TMEM163: variants seen among roughly 807,000 people sequenced by gnomAD.
TMEM163 encodes the protein transmembrane protein 163.
A neutral mutation model predicts 29.3 loss-of-function variants in TMEM163; 17 were observed. That is an observed-to-expected ratio of 0.58 (90% CI 0.40 to 0.87). The LOEUF (loss-of-function observed/expected upper bound fraction) is 0.87. Ranked by LOEUF, TMEM163 falls within the 40% of genes least tolerant of loss-of-function variation. TMEM163 has a pLI of 0.00. For synonymous variants in TMEM163, 157 were observed against 160.6 expected (o/e 0.98, Z 0.17); for missense variants, 303 against 381.5 (o/e 0.79, Z 1.71).
intron 5 of TMEM163, among the ~76,000 whole-genome samples, chr2:134,477,115 G>A (rs553295740): frequency 1.3e-5 from 2 of 152,162 alleles, no homozygotes; most frequent in African/African-American, 2.4e-5. Flanking sequence ...CTGCCTGTGA[G>A]CTCTATGTCA....
chr2:134,684,101 G>T (rs1185228061), intron 2 of TMEM163, among the ~76,000 whole-genome samples: 1 of 152,116 alleles, frequency 6.6e-6, no homozygotes, highest in African/African-American at 2.4e-5. Flanking sequence ...CTATTATCTT[G>T]CTTTACTGAT....
chr2:134,587,971 G>T (rs1170534701), intron 2 of TMEM163, among the ~76,000 whole-genome samples: 1 of 152,162 alleles, frequency 6.6e-6, no homozygotes, highest in Admixed American at 6.5e-5. Context: ...ACATCCAAAG[G>T]GAAGGAAAAT....
At chr2:134,494,282 C>T (rs577793030) in intron 5 of TMEM163, among the ~76,000 whole-genome samples, 18 of 152,280 alleles carry the variant, frequency 1.2e-4, no homozygotes, top group African/African-American at 4.3e-4. Context: ...TAGTCTGACA[C>T]AATGATTTCT....
intron 2 of TMEM163, among the ~76,000 whole-genome samples, chr2:134,656,106 C>T (rs1274048876): frequency 7.0e-6 from 1 of 143,770 alleles, no homozygotes; most frequent in Non-Finnish European, 1.5e-5. Context: ...GCTTTGTTTA[C>T]CTAAGCAAGC....
intron 4 of TMEM163, among the ~76,000 whole-genome samples, chr2:134,530,596 G>T (rs1195906363): frequency 6.6e-6 from 1 of 152,038 alleles, no homozygotes; most frequent in Non-Finnish European, 1.5e-5. Context: ...ATATAAAATG[G>T]GCCCCAGAGA....
At chr2:134,712,459 G>C (rs962067815) in intron 2 of TMEM163, among the ~76,000 whole-genome samples, 1 of 143,898 alleles carries the variant, frequency 6.9e-6, no homozygotes, top group South Asian at 2.2e-4. Context: ...TCTTTCCCCC[G>C]CATCAAAAAA....
chr2:134,668,239 C>T (rs754195900), intron 2 of TMEM163, among the ~76,000 whole-genome samples: 1 of 152,212 alleles, frequency 6.6e-6, no homozygotes, highest in Non-Finnish European at 1.5e-5. Flanking sequence ...AGTTGGCACA[C>T]AAACCTGTCC....
chr2:134,554,902 G>C (rs1002886851), intron 2 of TMEM163, among the ~76,000 whole-genome samples: 5 of 152,162 alleles, frequency 3.3e-5, no homozygotes, highest in African/African-American at 1.2e-4. Context: ...AGTTAACCCA[G>C]AGTCCTTCAC....
intron 5 of TMEM163, among the ~76,000 whole-genome samples, chr2:134,490,645 T>G (rs1309434235): frequency 1.3e-5 from 2 of 152,148 alleles, no homozygotes; most frequent in Non-Finnish European, 2.9e-5. Flanking sequence ...CAAAAAAGCA[T>G]GAAGTGTTTC....
At chr2:134,476,656 C>T (rs1004147689) in intron 5 of TMEM163, among the ~76,000 whole-genome samples, 2 of 152,090 alleles carry the variant, frequency 1.3e-5, no homozygotes, top group African/African-American at 2.4e-5. Context: ...AAACCACAGT[C>T]GTTGTAAAGA....
chr2:134,661,925 C>CTTTTTTTTTTTTTTTTTTTTTTTTTTT lies in TMEM163; in HGVS notation c.322+51274_322+51275insAAAAAAAAAAAAAAAAAAAAAAAAAAA, dbSNP rs201436466. Among the ~76,000 whole-genome samples the CTTTTTTTTTTTTTTTTTTTTTTTTTTT allele has an allele frequency of 6.3e-5, 5 of 79,066 alleles. 2 individuals are homozygous for CTTTTTTTTTTTTTTTTTTTTTTTTTTT. Among genetic ancestry groups the CTTTTTTTTTTTTTTTTTTTTTTTTTTT allele is most frequent in the Non-Finnish European group, 7.4e-5 (3 of 40,404 alleles). The allele number at this position is 79,066 out of a possible 152,430, so 51.9% of individuals were successfully genotyped here. A position where few individuals can be genotyped will look rare whatever the true frequency, so the allele number is the denominator to read the frequency against. ...AAGTTTTCATGGATTCATTAATTTT[C>CTTTTTTTTTTTTTTTTTTTTTTTTTTT]TTTCTTTTTTTTTTTTTTTTTTTTG... On this transcript the variant is annotated intron_variant, in intron 2 of 7. Coordinates refer to ENST00000281924, the MANE Select transcript of TMEM163 (RefSeq NM_030923.5).
chr2:134,502,400 C>T (rs541525145), intron 5 of TMEM163, among the ~76,000 whole-genome samples: 16 of 152,274 alleles, frequency 1.1e-4, no homozygotes, highest in African/African-American at 3.6e-4. Flanking sequence ...ACCCAGAGGA[C>T]AAAGCAGTCA....
At chr2:134,496,956 C>T (rs75300819) in intron 5 of TMEM163, among the ~76,000 whole-genome samples, 1 of 152,238 alleles carries the variant, frequency 6.6e-6, no homozygotes, top group African/African-American at 2.4e-5. Context: ...GGAAGTGCCT[C>T]CTCTTCCCAC....
At chr2:134,687,310 C>T (rs760313964) in intron 2 of TMEM163, among the ~76,000 whole-genome samples, 10 of 152,196 alleles carry the variant, frequency 6.6e-5, no homozygotes, top group South Asian at 2.1e-4. Context: ...AGTTGCTTCT[C>T]GGGTAAGAAG....
chr2:134,646,183 CAA>C, intron 2 of TMEM163, among the ~76,000 whole-genome samples: 1 of 151,822 alleles, frequency 6.6e-6, no homozygotes, highest in South Asian at 2.1e-4. Flanking sequence ...CTCCCAGGTT[CAA>C]AGGATTTTTC....
chr2:134,639,608 TTTTTGTGTAA>T (rs1332381466), intron 2 of TMEM163, among the ~76,000 whole-genome samples: 1 of 152,224 alleles, frequency 6.6e-6, no homozygotes, highest in African/African-American at 2.4e-5. Flanking sequence ...AAATGTGCTG[TTTTTGTGTAA>T]CCTTATCCAT....
chr2:134,630,731 A>G (rs1007386016), intron 2 of TMEM163, among the ~76,000 whole-genome samples: 1 of 152,196 alleles, frequency 6.6e-6, no homozygotes, highest in Non-Finnish European at 1.5e-5. Context: ...ATCGCCACAT[A>G]GTTGCCATGG....
At chr2:134,572,878 G>A (rs992008999) in intron 2 of TMEM163, among the ~76,000 whole-genome samples, 3 of 152,314 alleles carry the variant, frequency 2.0e-5, no homozygotes, top group Non-Finnish European at 2.9e-5. Flanking sequence ...CAGTGGCAAC[G>A]ATCTCAAATG....
At chr2:134,623,490 G>A (rs746088357) in intron 2 of TMEM163, among the ~76,000 whole-genome samples, 4 of 152,142 alleles carry the variant, frequency 2.6e-5, no homozygotes, top group Non-Finnish European at 4.4e-5. Context: ...ATAAGTTGCC[G>A]GCCGCAGTGG....
Sources: allele counts gnomAD v4.1 joint callset (sites outside exome capture counted in the v4.1 genomes callset), GRCh38; gene constraint gnomAD v4.1.1; transcripts MANE v1.5; gene names NCBI Gene and HGNC (gene_info 2026-07-23, HGNC 2026-07-21).